The following TENM4 variants were observed in gnomAD, a reference collection of about 807,000 sequenced individuals.
TENM4 encodes the protein teneurin-4.
Under a neutral mutation model 243.3 loss-of-function variants are expected in TENM4, and 82 were observed. The ratio of observed to expected loss-of-function variants is 0.34; its 90% CI spans 0.28 to 0.40. The LOEUF (loss-of-function observed/expected upper bound fraction) is 0.40. Among genes scored for constraint, TENM4 ranks in the 10% least tolerant of loss-of-function variants. TENM4 has a pLI of 1.00. For missense variants in TENM4, 3,138 were observed against 3,673.3 expected (o/e 0.85, Z 3.77); for synonymous variants, 1,412 against 1,456.3 (o/e 0.97, Z 0.69).
chr11:79,050,544 T>C (rs1859767172), intron 6 of TENM4, among the ~76,000 whole-genome samples: 1 of 152,228 alleles, frequency 6.6e-6, no homozygotes, highest in African/African-American at 2.4e-5. Flanking sequence ...ATGAGGGCTC[T>C]TCTCTCCTCC....
chr11:78,779,823 G>A (rs575881685), intron 16 of TENM4, among the ~76,000 whole-genome samples: 1 of 152,116 alleles, frequency 6.6e-6, no homozygotes, highest in Admixed American at 6.5e-5. Context: ...GAATCCCTAG[G>A]GTTCTTTAAA....
At chr11:79,349,749 G>T (rs1590899820) in intron 1 of TENM4, among the ~76,000 whole-genome samples, 1 of 152,204 alleles carries the variant, frequency 6.6e-6, no homozygotes, top group Admixed American at 6.5e-5. Context: ...GGCCAGGAAA[G>T]CTCTCTCTGG....
intron 4 of TENM4, among the ~76,000 whole-genome samples, chr11:79,103,862 G>A (rs1263416863): frequency 1.3e-5 from 2 of 152,210 alleles, no homozygotes; most frequent in Middle Eastern, 3.4e-3. Flanking sequence ...TTGGGCCTCC[G>A]GAATGGAAGG....
intron 3 of TENM4, among the ~76,000 whole-genome samples, chr11:79,170,593 C>T (rs916986342): frequency 2.0e-5 from 3 of 152,154 alleles, no homozygotes; most frequent in African/African-American, 7.2e-5. Context: ...GGGAGAATGT[C>T]ATGTGAAGAT....
At chr11:79,359,600 A>T (rs1857556962) in intron 1 of TENM4, among the ~76,000 whole-genome samples, 1 of 152,182 alleles carries the variant, frequency 6.6e-6, no homozygotes, top group Non-Finnish European at 1.5e-5. Context: ...CAAAAGCATA[A>T]AAGTCTCATA....
At chr11:78,945,532 A>G (rs918973063) in intron 6 of TENM4, among the ~76,000 whole-genome samples, 1 of 152,166 alleles carries the variant, frequency 6.6e-6, no homozygotes, top group Admixed American at 6.5e-5. Context: ...ATAACCCTAC[A>G]ATGGCCAAGT....
At chr11:79,425,156 A>G (rs772564431) in intron 1 of TENM4, among the ~76,000 whole-genome samples, 1 of 152,080 alleles carries the variant, frequency 6.6e-6, no homozygotes, top group Non-Finnish European at 1.5e-5. Context: ...GCAGGCCCTT[A>G]CTGATTGGAT....
chr11:79,120,913 G>A (rs1386101172), intron 4 of TENM4, among the ~76,000 whole-genome samples: 1 of 152,150 alleles, frequency 6.6e-6, no homozygotes, highest in Non-Finnish European at 1.5e-5. Context: ...AGACATTACT[G>A]TTATCCCATT....
intron 3 of TENM4, among the ~76,000 whole-genome samples, chr11:79,208,733 C>T (rs1433109201): frequency 1.3e-5 from 2 of 152,186 alleles, no homozygotes; most frequent in Admixed American, 6.5e-5. Flanking sequence ...ATGCCTAGCA[C>T]GGTGGCTGAC....
chr11:78,990,192 A>G (rs945279807), intron 6 of TENM4, among the ~76,000 whole-genome samples: 3 of 152,312 alleles, frequency 2.0e-5, no homozygotes, highest in African/African-American at 4.8e-5. Flanking sequence ...GTTCTAACCC[A>G]TAATTTTATA....
intron 6 of TENM4, among the ~76,000 whole-genome samples, chr11:78,972,516 C>G (rs1326740123): frequency 6.6e-6 from 1 of 152,174 alleles, no homozygotes; most frequent in Non-Finnish European, 1.5e-5. Context: ...CTCTGTTTCA[C>G]CCGCCTGCCT....
chr11:79,056,730 C>T (rs1859954537), intron 6 of TENM4, among the ~76,000 whole-genome samples: 1 of 152,116 alleles, frequency 6.6e-6, no homozygotes, highest in African/African-American at 2.4e-5. Context: ...TGATCTGCAG[C>T]AGGATGGAGC....
At chr11:78,818,269 G>C (rs1416013129) in intron 12 of TENM4, among the ~76,000 whole-genome samples, 1 of 152,180 alleles carries the variant, frequency 6.6e-6, no homozygotes, top group African/African-American at 2.4e-5. Context: ...CTGCAGATAA[G>C]TGTTATATAC....
intron 9 of TENM4, among the ~76,000 whole-genome samples, chr11:78,881,043 A>C (rs1855420688): frequency 6.6e-6 from 1 of 152,168 alleles, no homozygotes; most frequent in South Asian, 2.1e-4. Context: ...AAAATGTGTT[A>C]ATTTTCTGTA....
At chr11:79,002,322 T>C (rs1412786822) in intron 6 of TENM4, among the ~76,000 whole-genome samples, 1 of 152,256 alleles carries the variant, frequency 6.6e-6, no homozygotes, top group African/African-American at 2.4e-5. Flanking sequence ...TACCCTGCCA[T>C]GCTGCTACAG....
chr11:78,962,843 G>T (rs1012707356), intron 6 of TENM4, among the ~76,000 whole-genome samples: 1 of 152,242 alleles, frequency 6.6e-6, no homozygotes, highest in African/African-American at 2.4e-5. Flanking sequence ...CCTGGAACAG[G>T]CCCTAGGCCT....
intron 6 of TENM4, among the ~76,000 whole-genome samples, chr11:79,049,232 A>T (rs891768330): frequency 5.3e-5 from 8 of 152,208 alleles, no homozygotes; most frequent in Non-Finnish European, 2.9e-5. Flanking sequence ...TGGACCAAGT[A>T]GCACTGGCCC....
intron 32 of TENM4, among the ~76,000 whole-genome samples, chr11:78,663,193 A>C (rs986602609): frequency 3.3e-5 from 5 of 152,204 alleles, no homozygotes; most frequent in Non-Finnish European, 7.3e-5. Flanking sequence ...GAAGATGCCA[A>C]AGCAGATGTC....
At chr11:79,409,458 G>C (rs946760220) in intron 1 of TENM4, among the ~76,000 whole-genome samples, 6 of 152,150 alleles carry the variant, frequency 3.9e-5, no homozygotes, top group African/African-American at 1.4e-4. Flanking sequence ...GGAATGAGGG[G>C]CGGCAGGAAT....
Sources: gnomAD v4.1 joint callset for allele counts (sites outside exome capture counted in the v4.1 genomes callset) on GRCh38, gnomAD v4.1.1 for gene constraint, MANE v1.5 for transcripts, NCBI Gene and HGNC (gene_info 2026-07-23, HGNC 2026-07-21) for gene names.